INSC: variants seen among roughly 807,000 people sequenced by gnomAD.
The protein encoded by INSC is protein inscuteable homolog.
In INSC, 67 loss-of-function variants were observed where a neutral mutation model predicts 58.6. The ratio of observed to expected loss-of-function variants is 1.14; its 90% CI spans 0.94 to 1.40. The LOEUF (loss-of-function observed/expected upper bound fraction) is 1.40, where lower values mean the gene tolerates loss of function less well. Among genes scored for constraint, INSC ranks in the 40% most tolerant of loss-of-function variants. The probability of loss-of-function intolerance (pLI) is 0.00; values close to 1 mark genes in which losing one functional copy is unlikely to be tolerated. For synonymous variants in INSC, 262 were observed against 276.1 expected (o/e 0.95, Z 0.51); for missense variants, 714 against 692.0 (o/e 1.03, Z -0.36).
rs1850128257 is a variant in INSC, at chr11:15,190,598, C to T, written c.580-103C>T. 12 of 794,384 alleles carry T rather than the reference C, an allele frequency of 1.5e-5. No homozygotes were observed. The Admixed American group carries it at 2.1e-4, about 14-fold the overall frequency. 49.2% of individuals were successfully genotyped at this position (794,384 alleles called of 1,614,324 possible). On this transcript the variant is annotated intron_variant, in intron 5 of 12. Transcript: ENST00000379556. ...CAGTAGCTAGGGGCAGGAGTAGATT[C>T]CATGGTTGCTGTTAGGAGCATGGGC...
chr11:15,140,968 A>T (rs954285716), intron 1 of INSC, among the ~76,000 whole-genome samples: 1 of 152,168 alleles, frequency 6.6e-6, no homozygotes, highest in South Asian at 2.1e-4. Flanking sequence ...AATGGAGATA[A>T]CAATAGTGAA....
chr11:15,193,627 C>T (rs192845407), intron 6 of INSC, among the ~76,000 whole-genome samples: 2 of 152,132 alleles, frequency 1.3e-5, no homozygotes, highest in East Asian at 3.9e-4. Flanking sequence ...TGAACTCATC[C>T]TTTTTATGGC....
chr11:15,137,665 T>C (rs905866489), intron 1 of INSC, among the ~76,000 whole-genome samples: 7 of 152,206 alleles, frequency 4.6e-5, no homozygotes, highest in African/African-American at 1.4e-4. Flanking sequence ...CTCTTAGCCT[T>C]AATAGAATGA....
intron 11 of INSC, among the ~76,000 whole-genome samples, chr11:15,240,111 A>C (rs1362126566): frequency 3.3e-5 from 5 of 152,194 alleles, no homozygotes; most frequent in Non-Finnish European, 7.3e-5. Flanking sequence ...AGGAAATATT[A>C]GTAGAGTCTG....
At chr11:15,148,473 C>G (rs1013284655) in intron 1 of INSC, among the ~76,000 whole-genome samples, 3 of 152,188 alleles carry the variant, frequency 2.0e-5, no homozygotes, top group Admixed American at 6.5e-5. Flanking sequence ...CCTCATCTTG[C>G]AACTCTCTGT....
intron 9 of INSC, among the ~76,000 whole-genome samples, chr11:15,227,104 A>C (rs550452348): frequency 6.6e-6 from 1 of 152,364 alleles, no homozygotes; most frequent in East Asian, 1.9e-4. Flanking sequence ...ATTTTGGCTC[A>C]AGAGGATGTC....
intron 1 of INSC, among the ~76,000 whole-genome samples, chr11:15,133,819 A>G (rs1489563895): frequency 6.6e-6 from 1 of 152,236 alleles, no homozygotes; most frequent in Admixed American, 6.5e-5. Flanking sequence ...TTGCCAGCTC[A>G]GTAATATATT....
intron 2 of INSC, among the ~76,000 whole-genome samples, chr11:15,161,817 A>G (rs1053556675): frequency 2.0e-5 from 3 of 152,214 alleles, no homozygotes; most frequent in African/African-American, 7.2e-5. Context: ...AGAAATGAAG[A>G]CATCGAAAAA....
chr11:15,136,060 C>T (rs1024393017), intron 1 of INSC, among the ~76,000 whole-genome samples: 4 of 152,130 alleles, frequency 2.6e-5, no homozygotes, highest in Admixed American at 6.5e-5. Flanking sequence ...TCATAACTTA[C>T]AGGCATAACT....
chr11:15,193,913 C>T (rs1850275902), intron 6 of INSC, among the ~76,000 whole-genome samples: 1 of 150,356 alleles, frequency 6.7e-6, no homozygotes, highest in Non-Finnish European at 1.5e-5. Flanking sequence ...TGCAGTAGTT[C>T]ACCTACATGA....
At chr11:15,191,180 C>T (rs2097167) in intron 6 of INSC, among the ~76,000 whole-genome samples, 17 of 151,904 alleles carry the variant, frequency 1.1e-4, no homozygotes, top group Non-Finnish European at 2.1e-4. Flanking sequence ...GGGGTTTCAC[C>T]GTGTTAGCCA....
chr11:15,112,590 G>GC, upstream of INSC: 1 of 1,207,844 alleles, frequency 8.3e-7, no homozygotes, highest in Non-Finnish European at 1.1e-6. Context: ...AGGTGGATGT[G>GC]AGTGTGTGTG....
intron 1 of INSC, among the ~76,000 whole-genome samples, chr11:15,145,798 T>G (rs1019552800): frequency 6.6e-6 from 1 of 152,108 alleles, no homozygotes; most frequent in African/African-American, 2.4e-5. Context: ...AGCTGGAAGA[T>G]TTACAGTCAA....
At chr11:15,178,934 T>G (rs1849669287) in intron 5 of INSC, among the ~76,000 whole-genome samples, 1 of 152,196 alleles carries the variant, frequency 6.6e-6, no homozygotes, top group Non-Finnish European at 1.5e-5. Flanking sequence ...CTTACTATCC[T>G]GAAAGAATTG....
intron 6 of INSC, among the ~76,000 whole-genome samples, chr11:15,199,112 A>G (rs1011042817): frequency 2.6e-5 from 4 of 152,110 alleles, no homozygotes; most frequent in Non-Finnish European, 5.9e-5. Context: ...TGCCTTCTCT[A>G]TGAGACCATG....
intron 5 of INSC, among the ~76,000 whole-genome samples, chr11:15,181,685 T>C (rs1849785056): frequency 6.6e-6 from 1 of 152,240 alleles, no homozygotes; most frequent in Admixed American, 6.5e-5. Flanking sequence ...TTTTTTCTTT[T>C]CCTTTATTTT....
chr11:15,121,665 A>G (rs1223654309), intron 1 of INSC, among the ~76,000 whole-genome samples: 1 of 152,116 alleles, frequency 6.6e-6, no homozygotes, highest in Non-Finnish European at 1.5e-5. Flanking sequence ...ATACCCACTG[A>G]TTTTATCATC....
rs73426581 is a variant in INSC at position 15,228,389 on chromosome 11, C to T, written c.1170+2561C>T. On this transcript the variant is annotated intron_variant, in intron 9 of 12. Transcript: ENST00000379556. ...GTGGTTGCGCTGCCAGCAGATAGTT[C>T]TCTCTGCACCTGGAGTCGGTACCTT... 4.9e-3 allele frequency among the ~76,000 whole-genome samples: 753 copies of T among 152,340 alleles called. 4 individuals carry two copies. Among genetic ancestry groups the T allele is most frequent in the African/African-American group, 0.017 (724 of 41,576 alleles).
At chr11:15,200,349 C>G (rs1056040479) in intron 6 of INSC, among the ~76,000 whole-genome samples, 1 of 152,102 alleles carries the variant, frequency 6.6e-6, no homozygotes, top group African/African-American at 2.4e-5. Context: ...TTGGAAGAAT[C>G]TGAGGAATAG....
Sources: allele counts gnomAD v4.1 joint callset (sites outside exome capture counted in the v4.1 genomes callset), GRCh38; gene constraint gnomAD v4.1.1; transcripts MANE v1.5; gene names NCBI Gene and HGNC (gene_info 2026-07-23, HGNC 2026-07-21).